The following ZNF585A variants were observed in gnomAD, a reference collection of about 807,000 sequenced individuals.
ZNF585A encodes the protein zinc finger protein 585A.
Under a neutral mutation model 14.9 loss-of-function variants are expected in ZNF585A, and 9 were observed. The observed-to-expected ratio is 0.60, with a 90% confidence interval of 0.36 to 1.05. The LOEUF is 1.05. ZNF585A is among the 50% of genes least tolerant of loss of function. The probability of loss-of-function intolerance (pLI) is 0.01; values close to 1 mark genes in which losing one functional copy is unlikely to be tolerated. For missense variants in ZNF585A, 726 were observed against 926.4 expected (o/e 0.78, Z 2.81); for synonymous variants, 276 against 319.9 (o/e 0.86, Z 1.46).
intron 1 of ZNF585A, among the ~76,000 whole-genome samples, chr19:37,171,192 A>G (rs1972175197): frequency 6.6e-6 from 1 of 152,272 alleles, no homozygotes; most frequent in Non-Finnish European, 1.5e-5. Flanking sequence ...CACAAAGACT[A>G]TTAAAATAAA....
Position 37,152,012 on chromosome 19 carries a change from T to C in ZNF585A, c.1887A>G (p.Thr629=). The change falls in exon 5 of 5, where the codon ACA becomes ACG. Residue 629 remains threonine, a synonymous_variant. Coordinates refer to ENST00000292841, the MANE Select transcript of ZNF585A (RefSeq NM_001288800.2). ...CGGCACACACATAGGGTTTCTCTCC[T>C]GTGTGAACTGGCTGATGCACCAGGA... ...SQLLVHQPVH[T]GEKPYVCAEC... is the part of the protein sequence containing the mutation. 1 of 1,612,694 alleles carries C rather than the reference T, an allele frequency of 6.2e-7. No individual in the cohort carries two copies.
rs555488924 is a variant in ZNF585A at position 37,149,809 on chromosome 19, G to T, written c.*1780C>A. ...GGGTCCATCATTCCATTGTGCCTTG[G>T]GGGGAACTCAGAGGAAAAGGTCTAT... On this transcript the variant is annotated 3_prime_UTR_variant, in exon 5 of 5. Transcript: ENST00000292841. 1 of 152,168 alleles carries T rather than the reference G, an allele frequency of 6.6e-6. No individual in the cohort carries two copies. The highest frequency in any genetic ancestry group is 1.5e-5 in the Non-Finnish European group (1 of 68,084). The allele number at this position is 152,168 out of a possible 1,614,324, so 9.4% of individuals were successfully genotyped here.
chr19:37,151,185 T>A lies in ZNF585A; in HGVS notation c.*404A>T, dbSNP rs1423453027. On this transcript the variant is annotated 3_prime_UTR_variant, in exon 5 of 5. Transcript: ENST00000292841. ...TCACATAACTTAGGATTCATCACTA[T>A]CAAAATAACTACGTATTATGTTGTT... is the stretch of plus-strand genomic sequence containing the variant. 2.5e-6 allele frequency: 1 copy of A among 406,808 alleles called. No homozygotes were observed. Among genetic ancestry groups the A allele is most frequent in the Non-Finnish European group, 4.3e-6 (1 of 230,160 alleles). The allele number at this position is 406,808 out of a possible 1,614,324, so 25.2% of individuals were successfully genotyped here.
rs1457792895 is a variant in ZNF585A, at chr19:37,146,565, G to A, written c.*5024C>T. On this transcript the variant is annotated 3_prime_UTR_variant, in exon 5 of 5. Coordinates refer to ENST00000292841, the MANE Select transcript of ZNF585A (RefSeq NM_001288800.2). ...ACATCCATTATCCAACAAGGTGCCT[G>A]AGCCCCAGAACCCTCAGCCCTGCCA... is the stretch of plus-strand genomic sequence containing the variant. 1 of 152,252 alleles carries A rather than the reference G, an allele frequency of 6.6e-6. No individual in the cohort carries two copies. Among genetic ancestry groups the A allele is most frequent in the Non-Finnish European group, 1.5e-5 (1 of 68,142 alleles). The allele number at this position is 152,252 out of a possible 1,614,324, so 9.4% of individuals were successfully genotyped here. A position where few individuals can be genotyped will look rare whatever the true frequency, so the allele number is the denominator to read the frequency against.
At chr19:37,170,305 G>C (rs1443035572) in intron 1 of ZNF585A, among the ~76,000 whole-genome samples, 1 of 152,184 alleles carries the variant, frequency 6.6e-6, no homozygotes, top group African/African-American at 2.4e-5. Flanking sequence ...CCCAGGAAAC[G>C]CTGATGCTGT....
intron 2 of ZNF585A, among the ~76,000 whole-genome samples, chr19:37,159,689 C>G (rs1971985194): frequency 6.6e-6 from 1 of 152,046 alleles, no homozygotes; most frequent in Admixed American, 6.5e-5. Context: ...AGAATTACAA[C>G]AATACAAAGT....
chr19:37,170,188 T>A (rs1201064127), intron 1 of ZNF585A, 134 bp from the exon 2 acceptor site: 1 of 359,852 alleles, frequency 2.8e-6, no homozygotes, highest in Non-Finnish European at 5.2e-6. Context: ...TCAAGTTACC[T>A]GGAGGACCTG....
chr19:37,147,734 T>C lies in ZNF585A; in HGVS notation c.*3855A>G, dbSNP rs947351781. 3 of 152,228 alleles carry C rather than the reference T, an allele frequency of 2.0e-5. No individual in the cohort carries two copies. The highest frequency in any genetic ancestry group is 2.9e-5 in the Non-Finnish European group (2 of 68,026). 9.4% of individuals were successfully genotyped at this position (152,228 alleles called of 1,614,324 possible). ...ATGACAGGCACATATAAAATTAAAA[T>C]ATATAAATCTAGTTTTTACACTTAT... On this transcript the variant is annotated 3_prime_UTR_variant, in exon 5 of 5. Transcript: ENST00000292841.
intron 3 of ZNF585A, 91 bp downstream of exon 3, chr19:37,156,138 A>AC: frequency 6.4e-7 from 1 of 1,569,582 alleles, no homozygotes; most frequent in Non-Finnish European, 8.6e-7. Context: ...CAAAATCATC[A>AC]CCTATTTAAG....
rs1568492409 is a variant in ZNF585A, at chr19:37,151,649, G to A, written c.2250C>T (p.Ile750=). The A allele has an allele frequency of 1.9e-6, 3 of 1,614,072 alleles. No individual in the cohort carries two copies. Among genetic ancestry groups the A allele is most frequent in the Non-Finnish European group, 1.7e-6 (2 of 1,180,036 alleles). ...ATTTCTGAACGAAGCCTTTCCCACA[G>A]ATGCCACACTTGTAGGGTTTGTCTC... ...HTGDKPYKCG[I]CGKGFVQKSV... is the part of the protein sequence containing the mutation. Residue 750 remains isoleucine (I), a synonymous_variant, in exon 5 of 5, where the codon ATC becomes ATT. Transcript: ENST00000292841.
Position 37,151,190 on chromosome 19 carries a change from A to G in ZNF585A, c.*399T>C, listed in dbSNP as rs1192212693. On this transcript the variant is annotated 3_prime_UTR_variant, in exon 5 of 5. Transcript: ENST00000292841. ...TAACTTAGGATTCATCACTATCAAA[A>G]TAACTACGTATTATGTTGTTTTATC... The G allele has an allele frequency of 4.9e-6, 2 of 407,722 alleles. No homozygotes were observed. Among genetic ancestry groups the G allele is most frequent in the African/African-American group, 2.1e-5 (1 of 48,688 alleles). 25.3% of individuals were successfully genotyped at this position (407,722 alleles called of 1,614,324 possible).
Position 37,151,392 on chromosome 19 carries a change from A to G in ZNF585A, c.*197T>C. 2 of 521,192 alleles carry G rather than the reference A, an allele frequency of 3.8e-6. No individual in the cohort carries two copies. Among genetic ancestry groups the G allele is most frequent in the Non-Finnish European group, 6.8e-6 (2 of 295,088 alleles). 32.3% of individuals were successfully genotyped at this position (521,192 alleles called of 1,614,324 possible). A position where few individuals can be genotyped will look rare whatever the true frequency, so the allele number is the denominator to read the frequency against. On this transcript the variant is annotated 3_prime_UTR_variant, in exon 5 of 5. Transcript: ENST00000292841. Reference sequence around the variant, plus strand: ...CAGTATGAATAATGACCCAAGGTTTACTGGGGATGGTGACAATGTAGGAAG... The same window carrying G: ...CAGTATGAATAATGACCCAAGGTTTGCTGGGGATGGTGACAATGTAGGAAG...
intron 2 of ZNF585A, among the ~76,000 whole-genome samples, chr19:37,160,569 A>G (rs1008223676): frequency 6.6e-6 from 1 of 151,894 alleles, no homozygotes; most frequent in Non-Finnish European, 1.5e-5. Context: ...AGTCAACCAG[A>G]CTGGCAAAGA....
chr19:37,155,930 A>C lies in ZNF585A; in HGVS notation c.227T>G (p.Val76Gly). 3 of 1,612,978 alleles carry C rather than the reference A, an allele frequency of 1.9e-6. No homozygotes were observed. Among genetic ancestry groups the C allele is most frequent in the Non-Finnish European group, 2.5e-6 (3 of 1,179,986 alleles). ...VGYQVPEAEV[V>G]MLEQGKEPWA... The stretch of plus-strand genomic sequence containing the variant: ...TGGTTCCTTTCCTTGCTCCAACATG[A>C]CCACCTCTGCTTCAGGAACTTGATA... The change falls in exon 4 of 5, where the codon GTC becomes GGC. Residue 76 changes from valine to glycine, a missense_variant. This residue lies in a region of ZNF585A where 483 missense variants were observed against 542.8 expected (regional missense o/e 0.89). Coordinates refer to ENST00000292841, the MANE Select transcript of ZNF585A (RefSeq NM_001288800.2).
intron 2 of ZNF585A, among the ~76,000 whole-genome samples, chr19:37,163,609 C>G (rs796615507): frequency 1.8e-4 from 28 of 151,970 alleles, no homozygotes; most frequent in African/African-American, 6.8e-4. Context: ...ATAAAAACAT[C>G]CAATGAACAA....
Position 37,148,625 on chromosome 19 carries a change from A to G in ZNF585A, c.*2964T>C, listed in dbSNP as rs1971776515. 6.6e-6 allele frequency: 1 copy of G among 152,218 alleles called. No individual in the cohort carries two copies. Among genetic ancestry groups the G allele is most frequent in the South Asian group, 2.1e-4 (1 of 4,832 alleles). The allele number at this position is 152,218 out of a possible 1,614,324, so 9.4% of individuals were successfully genotyped here. A position where few individuals can be genotyped will look rare whatever the true frequency, so the allele number is the denominator to read the frequency against. ...CTGTCAAAACTCAGAACTCTACACT[A>G]AAAAGTGTGACTATTACTGAATGTA... is the stretch of plus-strand genomic sequence containing the variant. On this transcript the variant is annotated 3_prime_UTR_variant, in exon 5 of 5. Coordinates refer to ENST00000292841, the MANE Select transcript of ZNF585A (RefSeq NM_001288800.2).
rs117815281 is a variant in ZNF585A, at chr19:37,168,520, T to C, written c.72+1319A>G. Among the ~76,000 whole-genome samples the C allele has an allele frequency of 1.0e-3, 157 of 152,340 alleles. 3 individuals carry two copies. In the East Asian group the frequency reaches 0.019, roughly 19 times the overall value. On this transcript the variant is annotated intron_variant, in intron 2 of 4. Transcript: ENST00000292841. ...CTTCTTCAAACCATAAAAATCTCCT[T>C]ACTCTGCATAAGGAAAGTGACTGCC... is the stretch of plus-strand genomic sequence containing the variant.
In ZNF585A at chr19:37,156,238, G is replaced by C. The variant is rs191689150; in HGVS notation, c.190C>G (p.Leu64Val). Residue 64 changes from leucine to valine, a missense_variant, in exon 3 of 5, where the codon CTC becomes GTC. Coordinates refer to ENST00000292841, the MANE Select transcript of ZNF585A (RefSeq NM_001288800.2). ...DVMLETYSHL[L>V]SVGYQVPEAE... The stretch of plus-strand genomic sequence containing the variant: ...AGGTGACTGTGCTTACCTACTGAGA[G>C]CAGGTGGCTGTAGGTCTCCAGCATC... 6.8e-6 allele frequency: 11 copies of C among 1,614,100 alleles called. No individual in the cohort carries two copies. The East Asian group carries it at 2.5e-4, about 36-fold the overall frequency.
At chr19:37,166,359 C>A (rs1169498756) in intron 2 of ZNF585A, among the ~76,000 whole-genome samples, 1 of 147,030 alleles carries the variant, frequency 6.8e-6, no homozygotes, top group Non-Finnish European at 1.5e-5. Flanking sequence ...TCGCTCTGTC[C>A]CCCAGGCTGG....
Sources: gnomAD v4.1 joint callset for allele counts (sites outside exome capture counted in the v4.1 genomes callset) on GRCh38, gnomAD v4.1.1 for gene constraint, gnomAD v4.1.1 regional missense constraint, MANE v1.5 for transcripts, NCBI Gene and HGNC (gene_info 2026-07-23, HGNC 2026-07-21) for gene names.